The following CSMD1 variants were observed in gnomAD, a reference collection of about 807,000 sequenced individuals.
The protein encoded by CSMD1 is CUB and sushi domain-containing protein 1.
Under a neutral mutation model 417.5 loss-of-function variants are expected in CSMD1, and 213 were observed. The observed-to-expected ratio is 0.51, with a 90% CI of 0.46 to 0.57. CSMD1 has a LOEUF of 0.57. CSMD1 is among the 20% of genes least tolerant of loss of function. The probability of loss-of-function intolerance (pLI) is 0.00; values close to 1 mark genes in which losing one functional copy is unlikely to be tolerated. For synonymous variants in CSMD1, 2,862 were observed against 1,736.8 expected, an observed-to-expected ratio of 1.65 and a Z score of -16.11; for missense variants, 6,923 against 4,529.7, an observed-to-expected ratio of 1.53 and a Z score of -15.17.
At chr8:4,477,757 CA>C in intron 2 of CSMD1, among the ~76,000 whole-genome samples, 1 of 152,296 alleles carries the variant, frequency 6.6e-6, no homozygotes, top group South Asian at 2.1e-4. Flanking sequence ...ACCTCTTACT[CA>C]CAATACTGTA....
chr8:4,416,622 TA>T (rs967341396), intron 3 of CSMD1, among the ~76,000 whole-genome samples: 4 of 152,026 alleles, frequency 2.6e-5, no homozygotes, highest in African/African-American at 9.7e-5. Context: ...TTTTAAAATC[TA>T]AAGAGAAAAA....
intron 62 of CSMD1, 47 bp downstream of exon 62, chr8:2,961,091 TATA>T (rs1803434450): frequency 7.9e-7 from 1 of 1,258,010 alleles, no homozygotes. Flanking sequence ...AAGTAACAAA[TATA>T]TTTTATATTT....
chr8:4,755,735 G>C (rs547117377), intron 1 of CSMD1, among the ~76,000 whole-genome samples: 2 of 152,150 alleles, frequency 1.3e-5, no homozygotes, highest in Non-Finnish European at 2.9e-5. Context: ...TCTGTATGTA[G>C]AGTTACATAT....
At chr8:4,114,282 G>A (rs568886801) in intron 3 of CSMD1, among the ~76,000 whole-genome samples, 92 of 152,302 alleles carry the variant, frequency 6.0e-4, no homozygotes, top group Non-Finnish European at 9.7e-4. Flanking sequence ...AATGCACTCT[G>A]CCTGTGCTGT....
intron 3 of CSMD1, among the ~76,000 whole-genome samples, chr8:4,278,871 T>A (rs1443528534): frequency 6.6e-6 from 1 of 152,156 alleles, no homozygotes; most frequent in Non-Finnish European, 1.5e-5. Flanking sequence ...TTGCAGTATG[T>A]ATGTAATAAA....
chr8:3,201,582 A>C (rs371448329), intron 32 of CSMD1, 30 bp downstream of exon 32: 88 of 1,386,820 alleles, frequency 6.3e-5, no homozygotes, highest in Non-Finnish European at 8.1e-5. Context: ...TGTCTGAACT[A>C]AATTAAGGGC....
intron 3 of CSMD1, among the ~76,000 whole-genome samples, chr8:4,174,515 A>T (rs146261814): frequency 6.6e-6 from 1 of 151,232 alleles, no homozygotes; most frequent in African/African-American, 2.4e-5. Context: ...ATATATAATA[A>T]ATGACCCCCA....
rs180907274 is a variant in CSMD1, at chr8:4,563,854, G to A, written c.302+73488C>T. The stretch of plus-strand genomic sequence containing the variant: ...TATAAGAATATCTAGGATATCTGCT[G>A]AGAAGACTTGGAGTTGCGAAGTAAC... On this transcript the variant is annotated intron_variant, in intron 2 of 69. Coordinates refer to ENST00000635120, the MANE Select transcript of CSMD1 (RefSeq NM_033225.6). Among the ~76,000 whole-genome samples, 17 of 152,240 alleles carry A rather than the reference G, an allele frequency of 1.1e-4. No individual in the cohort carries two copies. In the East Asian group the frequency reaches 2.9e-3, roughly 26 times the overall value.
chr8:4,912,072 A>C (rs1413746220), intron 1 of CSMD1, among the ~76,000 whole-genome samples: 2 of 145,692 alleles, frequency 1.4e-5, no homozygotes, highest in African/African-American at 5.1e-5. Context: ...CCTAAATCCC[A>C]GTTCTTTCCA....
At chr8:4,917,246 CAGT>C (rs1763337852) in intron 1 of CSMD1, among the ~76,000 whole-genome samples, 2 of 152,118 alleles carry the variant, frequency 1.3e-5, no homozygotes, top group Admixed American at 1.3e-4. Context: ...CATGAGACAG[CAGT>C]AGGGGGATGG....
intron 38 of CSMD1, among the ~76,000 whole-genome samples, chr8:3,160,229 C>T (rs1166085485): frequency 1.3e-5 from 2 of 152,230 alleles, no homozygotes; most frequent in East Asian, 3.9e-4. Context: ...TTCAAGCGAT[C>T]CACCCACCTC....
intron 5 of CSMD1, among the ~76,000 whole-genome samples, chr8:3,913,734 G>A (rs1048892972): frequency 1.3e-5 from 2 of 152,138 alleles, no homozygotes; most frequent in African/African-American, 2.4e-5. Flanking sequence ...CAGGAGTGGG[G>A]AAGGAATGTG....
chr8:3,136,095 T>C (rs1475533237), intron 41 of CSMD1, among the ~76,000 whole-genome samples: 1 of 151,908 alleles, frequency 6.6e-6, no homozygotes, highest in Admixed American at 6.6e-5. Context: ...TGGATCTTTG[T>C]CCCCCCCTCA....
intron 6 of CSMD1, among the ~76,000 whole-genome samples, chr8:3,720,107 A>G (rs1036432056): frequency 6.6e-6 from 1 of 152,226 alleles, no homozygotes; most frequent in African/African-American, 2.4e-5. Flanking sequence ...GTTACATTCA[A>G]CGTGGAATGT....
chr8:3,804,091 T>G (rs1471626669), intron 5 of CSMD1, among the ~76,000 whole-genome samples: 1 of 151,998 alleles, frequency 6.6e-6, no homozygotes. Context: ...CACATCCAGC[T>G]ATTTTTTTTG....
intron 19 of CSMD1, among the ~76,000 whole-genome samples, chr8:3,367,581 A>G (rs1291525100): frequency 6.6e-6 from 1 of 152,192 alleles, no homozygotes. Flanking sequence ...ATGAAAATCT[A>G]GCTTTGAAGT....
At chr8:3,865,708 A>T (rs1030444538) in intron 5 of CSMD1, among the ~76,000 whole-genome samples, 2 of 152,174 alleles carry the variant, frequency 1.3e-5, no homozygotes, top group African/African-American at 4.8e-5. Context: ...AGCAGTAAAT[A>T]CAACAACAAA....
chr8:4,179,603 C>T (rs188895246), intron 3 of CSMD1, among the ~76,000 whole-genome samples: 2 of 151,896 alleles, frequency 1.3e-5, no homozygotes, highest in Non-Finnish European at 2.9e-5. Context: ...TATAGAGCTT[C>T]TGCACAGCAA....
chr8:4,994,332 C>CTTAAG lies in CSMD1; in HGVS notation c.84_85insCTTAA (p.Gly29LeufsTer9). The CTTAAG allele has an allele frequency of 6.2e-7, 1 of 1,610,002 alleles. No individual in the cohort carries two copies. Among genetic ancestry groups the CTTAAG allele is most frequent in the Non-Finnish European group, 8.5e-7 (1 of 1,179,722 alleles). The stretch of plus-strand genomic sequence containing the variant: ...CCGGCCAGGAGCAAGTCCGTCTTAC[C>CTTAAG]CTTCGCTGCAGTGAGGAGCCTCGCG... On this transcript the variant is annotated frameshift_variant and splice_region_variant, in exon 1 of 70. Coordinates refer to ENST00000635120, the MANE Select transcript of CSMD1 (RefSeq NM_033225.6). LOFTEE classifies it high-confidence loss of function.
Sources: gnomAD v4.1 joint callset for allele counts (sites outside exome capture counted in the v4.1 genomes callset) on GRCh38, gnomAD v4.1.1 for gene constraint, MANE v1.5 for transcripts, NCBI Gene and HGNC (gene_info 2026-07-23, HGNC 2026-07-21) for gene names.